SYNDIG1: variants seen among roughly 807,000 people sequenced by gnomAD.
SYNDIG1 encodes synapse differentiation inducing 1.
In SYNDIG1, 9 loss-of-function variants were observed where a neutral mutation model predicts 19.4. That is an observed-to-expected ratio of 0.46 (90% confidence interval 0.28 to 0.81). The LOEUF is 0.81. Among genes scored for constraint, SYNDIG1 ranks in the 30% least tolerant of loss-of-function variants. SYNDIG1 has a pLI of 0.12. For missense variants in SYNDIG1, 311 were observed against 343.3 expected (o/e 0.91, Z 0.74); for synonymous variants, 141 against 145.9 (o/e 0.97, Z 0.24).
chr20:24,486,543 A>G (rs2146277784), intron 1 of SYNDIG1, among the ~76,000 whole-genome samples: 1 of 152,280 alleles, frequency 6.6e-6, no homozygotes, highest in Non-Finnish European at 1.5e-5. Context: ...ACTCTAATGC[A>G]CTCACATAAC....
At chr20:24,637,112 C>A (rs377400790) in intron 3 of SYNDIG1, among the ~76,000 whole-genome samples, 3 of 152,222 alleles carry the variant, frequency 2.0e-5, no homozygotes, top group East Asian at 1.9e-4. Flanking sequence ...GCTGCAGCCT[C>A]AGCAGCCCAC....
At chr20:24,534,485 G>A (rs986783090) in intron 1 of SYNDIG1, among the ~76,000 whole-genome samples, 2 of 152,210 alleles carry the variant, frequency 1.3e-5, no homozygotes, top group African/African-American at 4.8e-5. Flanking sequence ...TCAGGGCCCA[G>A]TGTGCTGGGC....
chr20:24,483,574 G>A (rs906114981), intron 1 of SYNDIG1, among the ~76,000 whole-genome samples: 47 of 152,310 alleles, frequency 3.1e-4, no homozygotes, highest in Admixed American at 2.7e-3. Flanking sequence ...TTGAAAGAGC[G>A]TGCTCTGCAT....
intron 3 of SYNDIG1, among the ~76,000 whole-genome samples, chr20:24,608,537 C>A (rs917774163): frequency 6.6e-6 from 1 of 152,164 alleles, no homozygotes; most frequent in Non-Finnish European, 1.5e-5. Context: ...CAAGTGACAG[C>A]ACCGCAAGGC....
intron 1 of SYNDIG1, among the ~76,000 whole-genome samples, chr20:24,525,144 G>A (rs1395681574): frequency 2.0e-5 from 3 of 151,926 alleles, no homozygotes; most frequent in African/African-American, 7.3e-5. Flanking sequence ...TTGATCAAAT[G>A]GTTATTAAGA....
At chr20:24,485,236 G>A (rs766170957) in intron 1 of SYNDIG1, among the ~76,000 whole-genome samples, 3 of 152,168 alleles carry the variant, frequency 2.0e-5, no homozygotes, top group Non-Finnish European at 4.4e-5. Context: ...AAGACACATA[G>A]TCTTAATTAT....
chr20:24,504,199 C>A (rs977717388), intron 1 of SYNDIG1, among the ~76,000 whole-genome samples: 1 of 152,130 alleles, frequency 6.6e-6, no homozygotes, highest in African/African-American at 2.4e-5. Flanking sequence ...ACCTCGTGAT[C>A]CGCCCGCCTC....
chr20:24,631,862 ATACTC>A (rs1243472809), intron 3 of SYNDIG1, among the ~76,000 whole-genome samples: 1 of 152,240 alleles, frequency 6.6e-6, no homozygotes, highest in Non-Finnish European at 1.5e-5. Flanking sequence ...GGCTAGTTCT[ATACTC>A]TACTATCACC....
At chr20:24,486,758 A>C (rs1456426358) in intron 1 of SYNDIG1, among the ~76,000 whole-genome samples, 10 of 151,922 alleles carry the variant, frequency 6.6e-5, no homozygotes, top group Middle Eastern at 3.4e-3. Context: ...TCCCGGGTTC[A>C]AGCGATTCTC....
chr20:24,581,561 G>A (rs1304828914), intron 2 of SYNDIG1, among the ~76,000 whole-genome samples: 1 of 152,038 alleles, frequency 6.6e-6, no homozygotes, highest in Non-Finnish European at 1.5e-5. Context: ...AAGCTCAGCA[G>A]TTCCAAAACC....
At chr20:24,662,677 C>T (rs181318114) in intron 3 of SYNDIG1, among the ~76,000 whole-genome samples, 2 of 152,372 alleles carry the variant, frequency 1.3e-5, no homozygotes, top group Non-Finnish European at 1.5e-5. Context: ...GCACAAGGTG[C>T]AGGCACTGGG....
chr20:24,642,306 C>G (rs1368937117), intron 3 of SYNDIG1, among the ~76,000 whole-genome samples: 2 of 152,108 alleles, frequency 1.3e-5, no homozygotes, highest in Non-Finnish European at 2.9e-5. Context: ...ACATCAGGGG[C>G]ACCTGCTATC....
At chr20:24,657,384 C>T (rs548026140) in intron 3 of SYNDIG1, among the ~76,000 whole-genome samples, 1 of 152,208 alleles carries the variant, frequency 6.6e-6, no homozygotes, top group South Asian at 2.1e-4. Context: ...GGGAGGAAGT[C>T]CCCTCCCTTG....
At chr20:24,565,199 C>T (rs998577529) in intron 2 of SYNDIG1, among the ~76,000 whole-genome samples, 27 of 152,140 alleles carry the variant, frequency 1.8e-4, no homozygotes, top group African/African-American at 6.5e-4. Context: ...AGGTGAGAAC[C>T]ACCGGGGATA....
At chr20:24,527,892 A>C (rs1413175008) in intron 1 of SYNDIG1, among the ~76,000 whole-genome samples, 1 of 152,212 alleles carries the variant, frequency 6.6e-6, no homozygotes, top group Non-Finnish European at 1.5e-5. Context: ...ATTCAAATGC[A>C]TGCTTAAATC....
intron 1 of SYNDIG1, among the ~76,000 whole-genome samples, chr20:24,531,853 G>T (rs949169750): frequency 2.0e-5 from 3 of 152,176 alleles, no homozygotes; most frequent in African/African-American, 7.2e-5. Context: ...TATTCTGCTG[G>T]GACACTCGGC....
At chr20:24,617,811 G>T (rs546630150) in intron 3 of SYNDIG1, among the ~76,000 whole-genome samples, 2 of 134,846 alleles carry the variant, frequency 1.5e-5, no homozygotes, top group East Asian at 4.7e-4. Context: ...CTGGGGGAGG[G>T]TCTGAGAGTG....
chr20:24,661,263 C>G (rs184215868), intron 3 of SYNDIG1, among the ~76,000 whole-genome samples: 14 of 147,254 alleles, frequency 9.5e-5, no homozygotes, highest in African/African-American at 3.2e-4. Context: ...TCCAGCTGGA[C>G]CTTCTGTTAC....
At position 24,479,730 on chromosome 20, in the gene SYNDIG1, A is replaced by G. The variant is rs565253360; in HGVS notation, c.-79+9977A>G. Among the ~76,000 whole-genome samples the G allele has an allele frequency of 3.9e-5, 6 of 152,248 alleles. No homozygotes were observed. In the East Asian group the frequency reaches 5.8e-4, roughly 15 times the overall value. The stretch of plus-strand genomic sequence containing the variant: ...CCTGCAAGCTCTCCCTGCCTGCTGC[A>G]TTGTGCCTCTTGCCTCCAGGACTGC... On this transcript the variant is annotated intron_variant, in intron 1 of 3. Transcript: ENST00000376862.
Sources: gnomAD v4.1 joint callset for allele counts (sites outside exome capture counted in the v4.1 genomes callset) on GRCh38, gnomAD v4.1.1 for gene constraint, MANE v1.5 for transcripts, NCBI Gene and HGNC (gene_info 2026-07-23, HGNC 2026-07-21) for gene names.